Variants in KIF20B observed in about 807,000 individuals in gnomAD.
KIF20B encodes kinesin-like protein KIF20B.
A neutral mutation model predicts 232.5 loss-of-function variants in KIF20B; 188 were observed. That is an observed-to-expected ratio of 0.81 (90% confidence interval 0.72 to 0.91). KIF20B has a LOEUF of 0.91. Among genes scored for constraint, KIF20B ranks in the 40% least tolerant of loss-of-function variants. The probability of loss-of-function intolerance (pLI) is 0.00; values close to 1 mark genes in which losing one functional copy is unlikely to be tolerated. For missense variants in KIF20B, 2,154 were observed against 2,055.9 expected, an observed-to-expected ratio of 1.05 and a Z score of -0.92; for synonymous variants, 712 against 683.0, an observed-to-expected ratio of 1.04 and a Z score of -0.66.
intron 28 of KIF20B, among the ~76,000 whole-genome samples, chr10:89,761,602 A>G (rs1191951371): frequency 6.6e-6 from 1 of 152,128 alleles, no homozygotes; most frequent in African/African-American, 2.4e-5. Flanking sequence ...ATGTGCCACC[A>G]TGGCCAACTG....
chr10:89,748,982 T>A (rs1414430639), intron 23 of KIF20B, among the ~76,000 whole-genome samples: 1 of 152,176 alleles, frequency 6.6e-6, no homozygotes, highest in Non-Finnish European at 1.5e-5. Context: ...ACTCTTCTTT[T>A]CCTCAGTTAT....
In KIF20B at chr10:89,737,568, T is replaced by C; in HGVS notation, c.2727T>C (p.Asn909=). 1 of 1,606,910 alleles carries C rather than the reference T, an allele frequency of 6.2e-7. No homozygotes were observed. Among genetic ancestry groups the C allele is most frequent in the Non-Finnish European group, 8.5e-7 (1 of 1,177,184 alleles). ...KNEKEEKAEL[N]KQIVHFQQEL... ...AAAAGGAAGAAAAAGCAGAATTAAATAAACAGATTGTTCATTTTCAGCAGG... is the reference window on the plus strand; with the variant it reads ...AAAAGGAAGAAAAAGCAGAATTAAACAAACAGATTGTTCATTTTCAGCAGG... Residue 909 remains asparagine (N), a synonymous_variant, in exon 20 of 33, where the codon AAT becomes AAC. Transcript: ENST00000371728.
chr10:89,726,748 T>A (rs1289696381), intron 16 of KIF20B, among the ~76,000 whole-genome samples: 1 of 152,144 alleles, frequency 6.6e-6, no homozygotes, highest in African/African-American at 2.4e-5. Flanking sequence ...GAAAATGAGC[T>A]TCTCAACAAA....
At chr10:89,725,694 C>G (rs1223999270) in intron 15 of KIF20B, among the ~76,000 whole-genome samples, 1 of 152,194 alleles carries the variant, frequency 6.6e-6, no homozygotes, top group African/African-American at 2.4e-5. Flanking sequence ...CCTGCCCAGC[C>G]TCCCAGGTGG....
chr10:89,772,928 A>G, intron 32 of KIF20B, 97 bp downstream of exon 32: 1 of 1,049,896 alleles, frequency 9.5e-7, no homozygotes, highest in Non-Finnish European at 1.4e-6. Flanking sequence ...ATCTCTGAAA[A>G]CACATGCTAT....
intron 19 of KIF20B, among the ~76,000 whole-genome samples, chr10:89,734,950 C>T (rs79552042): frequency 0.027 from 4,081 of 152,234 alleles, 359 homozygotes; most frequent in East Asian, 0.27. Context: ...ATTCTCAAAA[C>T]GTTGCATGTA....
At chr10:89,710,601 A>G (rs1476694145) in intron 5 of KIF20B, among the ~76,000 whole-genome samples, 1 of 136,060 alleles carries the variant, frequency 7.3e-6, no homozygotes, top group African/African-American at 3.1e-5. Context: ...AGAGATTTAG[A>G]TGATGATTAA....
chr10:89,758,864 A>G lies in KIF20B; in HGVS notation c.4662A>G (p.Ile1554Met), dbSNP rs1036171550. The G allele has an allele frequency of 3.2e-6, 5 of 1,571,022 alleles. 1 individual carries two copies. The South Asian group carries it at 6.0e-5, about 19-fold the overall frequency. Residue 1554 changes from isoleucine (I) to methionine (M), a missense_variant, in exon 27 of 33, where the codon ATA becomes ATG. Physicochemically the swap from Ile to Met is conservative, Grantham distance 10. Coordinates refer to ENST00000371728, the MANE Select transcript of KIF20B (RefSeq NM_001284259.2). ...DNEIEQLKRIISETSKIETQI... is the reference protein window; with the variant it reads ...DNEIEQLKRIMSETSKIETQI... ...AAATTGAACAACTAAAAAGGATCAT[A>G]TCAGAGACTTCTAAAATAGTCAGTA...
chr10:89,707,664 C>G (rs1190167509), intron 2 of KIF20B, among the ~76,000 whole-genome samples: 1 of 151,446 alleles, frequency 6.6e-6, no homozygotes, highest in Non-Finnish European at 1.5e-5. Flanking sequence ...CCCCTTCACA[C>G]CCAATTACAC....
chr10:89,725,456 T>G (rs1843163166), intron 15 of KIF20B, among the ~76,000 whole-genome samples: 1 of 152,172 alleles, frequency 6.6e-6, no homozygotes, highest in South Asian at 2.1e-4. Flanking sequence ...TTACTTAACA[T>G]TTTTAAATAA....
At position 89,709,195 on chromosome 10, in the gene KIF20B, T is replaced by G. The variant is rs1160673754; in HGVS notation, c.176T>G (p.Leu59Arg). ...AACAGTTTCGAATCTAAAGATTATC[T>G]CCAGGTTTGTCTTCGAATAAGACCA... ...EANSFESKDYLQVCLRIRPFT... is the reference protein window; with the variant it reads ...EANSFESKDYRQVCLRIRPFT... Residue 59 changes from leucine (L) to arginine (R), a missense_variant, in exon 3 of 33, where the codon CTC becomes CGC. Transcript: ENST00000371728. 1 of 1,609,372 alleles carries G rather than the reference T, an allele frequency of 6.2e-7. No individual in the cohort carries two copies. The highest frequency in any genetic ancestry group is 8.5e-7 in the Non-Finnish European group (1 of 1,176,986).
At position 89,774,045 on chromosome 10, in the gene KIF20B, A is replaced by G; in HGVS notation, c.5460A>G (p.Lys1820=). The change falls in exon 33 of 33, where the codon AAA becomes AAG. Residue 1820 remains lysine, a synonymous_variant. Coordinates refer to ENST00000371728, the MANE Select transcript of KIF20B (RefSeq NM_001284259.2). ...IKRRLRTKTA[K] ...GACGACTTCGAACAAAAACAGCCAA[A>G]TAAATCACTTATGGAAATGTTTAAT... 6.4e-7 allele frequency: 1 copy of G among 1,568,818 alleles called. No individual in the cohort carries two copies.
At chr10:89,720,646 A>G (rs929066343) in intron 13 of KIF20B, among the ~76,000 whole-genome samples, 1 of 152,170 alleles carries the variant, frequency 6.6e-6, no homozygotes, top group Non-Finnish European at 1.5e-5. Context: ...TGTTATTATG[A>G]TAAATAAATA....
chr10:89,709,070 C>G (rs551703907), intron 2 of KIF20B, 97 bp from the exon 3 acceptor site: 89 of 787,950 alleles, frequency 1.1e-4, no homozygotes, highest in South Asian at 6.3e-4. Context: ...TTTATCATCT[C>G]AGATTATTAT....
Position 89,774,169 on chromosome 10 carries a change from T to G in KIF20B, c.*121T>G, listed in dbSNP as rs1842523289. 3 of 464,456 alleles carry G rather than the reference T, an allele frequency of 6.5e-6. No homozygotes were observed. The highest frequency in any genetic ancestry group is 1.1e-5 in the Non-Finnish European group (3 of 266,998). 28.8% of individuals were successfully genotyped at this position (464,456 alleles called of 1,614,324 possible). A position where few individuals can be genotyped will look rare whatever the true frequency, so the allele number is the denominator to read the frequency against. ...ATCACTCTGCATATAGATTGCTGTT[T>G]TATACATAGTATAATTTTAATTCAA... On this transcript the variant is annotated 3_prime_UTR_variant, in exon 33 of 33. Transcript: ENST00000371728.
At chr10:89,735,283 T>A (rs1271669462) in intron 19 of KIF20B, among the ~76,000 whole-genome samples, 1 of 152,170 alleles carries the variant, frequency 6.6e-6, no homozygotes, top group Non-Finnish European at 1.5e-5. Flanking sequence ...GAAGAACATA[T>A]GTGGTATAGT....
chr10:89,714,913 GCTTA>G (rs759541071), intron 7 of KIF20B, 38 bp from the exon 8 acceptor site: 108 of 1,197,712 alleles, frequency 9.0e-5, no homozygotes, highest in Non-Finnish European at 1.2e-4. Context: ...TTAGTCAGTT[GCTTA>G]CTTTCGTGAT....
chr10:89,738,806 CAT>C, intron 20 of KIF20B, 150 bp from the exon 21 acceptor site: 2 of 1,136,726 alleles, frequency 1.8e-6, no homozygotes, highest in African/African-American at 1.6e-5. Context: ...TTATAAAAAT[CAT>C]ATGAAATATT....
Position 89,705,359 on chromosome 10 carries a change from T to A in KIF20B, c.65T>A (p.Ile22Asn), listed in dbSNP as rs1360995928. The change falls in exon 2 of 33, where the codon ATT becomes AAT. Residue 22 changes from isoleucine (I) to asparagine (N), a missense_variant. Transcript: ENST00000371728. The part of the protein sequence containing the change: ...RPSYVFSADP[I>N]ARPSEINFDG... ...TCTTATGTTTTTAGTGCTGACCCAA[T>A]TGCAAGGCCTTCAGAAATAAATTTC... 6.2e-7 allele frequency: 1 copy of A among 1,614,002 alleles called. No individual in the cohort carries two copies. The highest frequency in any genetic ancestry group is 8.5e-7 in the Non-Finnish European group (1 of 1,179,912).
Sources: allele counts gnomAD v4.1 joint callset (sites outside exome capture counted in the v4.1 genomes callset), GRCh38; gene constraint gnomAD v4.1.1; transcripts MANE v1.5; gene names NCBI Gene and HGNC (gene_info 2026-07-23, HGNC 2026-07-21).